The following ATP13A4 variants were observed in gnomAD, a reference collection of about 807,000 sequenced individuals.
The protein encoded by ATP13A4 is ATPase 13A4.
ATP13A4 carries 114 observed loss-of-function variants against 142.5 expected under a neutral mutation model. The observed-to-expected ratio is 0.80, with a 90% confidence interval of 0.69 to 0.93. The LOEUF is 0.93. ATP13A4 is among the 40% of genes least tolerant of loss of function. ATP13A4 has a pLI of 0.00. For missense variants in ATP13A4, 1,392 were observed against 1,454.0 expected (o/e 0.96, Z 0.69); for synonymous variants, 488 against 514.8 (o/e 0.95, Z 0.70).
intron 25 of ATP13A4, among the ~76,000 whole-genome samples, chr3:193,430,974 G>A (rs1715937933): frequency 2.6e-5 from 4 of 152,078 alleles, no homozygotes; most frequent in Admixed American, 6.6e-5. Flanking sequence ...AGCTGGCATT[G>A]CTTAGTGACT....
At chr3:193,539,157 G>C (rs1220462229) in intron 1 of ATP13A4, among the ~76,000 whole-genome samples, 2 of 152,146 alleles carry the variant, frequency 1.3e-5, no homozygotes, top group Admixed American at 1.3e-4. Context: ...ACAGCTGTGA[G>C]CCATCATGCC....
At chr3:193,576,598 G>T (rs984163687) in intron 2 of ATP13A4, among the ~76,000 whole-genome samples, 1 of 152,150 alleles carries the variant, frequency 6.6e-6, no homozygotes, top group African/African-American at 2.4e-5. Flanking sequence ...AAATTATTGG[G>T]AAGAGGGTGA....
chr3:193,513,411 G>T (rs1309509380), intron 2 of ATP13A4, among the ~76,000 whole-genome samples: 1 of 152,204 alleles, frequency 6.6e-6, no homozygotes, highest in Admixed American at 6.5e-5. Flanking sequence ...GGGGCCATGG[G>T]CTGATGCATT....
At chr3:193,422,171 T>C (rs1386677798) in intron 25 of ATP13A4, among the ~76,000 whole-genome samples, 1 of 149,758 alleles carries the variant, frequency 6.7e-6, no homozygotes, top group Admixed American at 6.9e-5. Context: ...AAAGCAGACG[T>C]CAAGTCAAAA....
intron 25 of ATP13A4, among the ~76,000 whole-genome samples, chr3:193,424,888 A>G (rs1194228705): frequency 1.3e-5 from 2 of 149,656 alleles, no homozygotes; most frequent in East Asian, 4.1e-4. Flanking sequence ...TGAAGAGACA[A>G]CCTACATAAT....
chr3:193,586,027 C>T lies in ATP13A4; in HGVS notation n.92-4121G>A, dbSNP rs1319428837. ...CTCCGATGACTAATAACATTGAGCA[C>T]TTTGTGTTCATTGGCCAAATATGTA... On this transcript the variant is annotated intron_variant and non_coding_transcript_variant, in intron 1 of 3. Coordinates refer to the ATP13A4 transcript ENST00000489140. 2.6e-5 allele frequency among the ~76,000 whole-genome samples: 4 copies of T among 152,084 alleles called. No homozygotes were observed. The East Asian group carries it at 7.7e-4, about 29-fold the overall frequency.
In ATP13A4 at chr3:193,404,118, G is replaced by GT. The variant is rs199620353; in HGVS notation, c.3379-1255dup. The GT allele has an allele frequency of 1.3e-3, 1,252 of 985,254 alleles. 14 individuals are homozygous for GT. The African/African-American group carries it at 0.02, about 16-fold the overall frequency. The allele number at this position is 985,254 out of a possible 1,614,324, so 61.0% of individuals were successfully genotyped here. A position where few individuals can be genotyped will look rare whatever the true frequency, so the allele number is the denominator to read the frequency against. On this transcript the variant is annotated intron_variant, in intron 29 of 29. Coordinates refer to ENST00000342695, the MANE Select transcript of ATP13A4 (RefSeq NM_032279.4). The stretch of plus-strand genomic sequence containing the variant: ...AGTTATTCTACTTTCCTGCAGCAAG[G>GT]TTTTTTTGTCCTCCTTAATTGACGT...
At chr3:193,456,365 A>C (rs1480627548) in intron 16 of ATP13A4, among the ~76,000 whole-genome samples, 2 of 152,110 alleles carry the variant, frequency 1.3e-5, no homozygotes, top group Non-Finnish European at 2.9e-5. Flanking sequence ...TGGTTCAGTA[A>C]AGGAAGGATT....
chr3:193,532,955 T>C (rs1268540603), intron 1 of ATP13A4, among the ~76,000 whole-genome samples: 1 of 152,014 alleles, frequency 6.6e-6, no homozygotes, highest in East Asian at 1.9e-4. Flanking sequence ...TCCAATAATG[T>C]AGAAAAAAAG....
intron 8 of ATP13A4, among the ~76,000 whole-genome samples, chr3:193,481,635 T>C (rs1397730849): frequency 6.6e-6 from 1 of 152,200 alleles, no homozygotes; most frequent in Non-Finnish European, 1.5e-5. Flanking sequence ...TTAATGTTCA[T>C]CTATGGTATT....
At chr3:193,415,504 A>G (rs934184278) in intron 25 of ATP13A4, among the ~76,000 whole-genome samples, 6 of 152,190 alleles carry the variant, frequency 3.9e-5, no homozygotes, top group African/African-American at 1.2e-4. Context: ...CCCCCTACTC[A>G]GCTTAGTGAC....
intron 12 of ATP13A4, among the ~76,000 whole-genome samples, chr3:193,463,649 G>C (rs933143744): frequency 2.9e-4 from 44 of 151,956 alleles, no homozygotes; most frequent in African/African-American, 9.9e-4. Context: ...TACAGTAAAA[G>C]CTAATAATAA....
chr3:193,497,160 G>A (rs369482502), intron 3 of ATP13A4, among the ~76,000 whole-genome samples: 4 of 152,052 alleles, frequency 2.6e-5, no homozygotes, highest in Middle Eastern at 3.2e-3. Flanking sequence ...AAATATTTGC[G>A]AACTGTGCAT....
Position 193,442,442 on chromosome 3 carries a change from A to G in ATP13A4, c.2267T>C (p.Ile756Thr), listed in dbSNP as rs1716701940. ...NETTGSSSAS[I>T]SWTLVEEKKH... ...CTTCTCTTCTACTAACGTCCAAGAT[A>G]TAGATGCTGATGAGGACCCGGTGGT... The change falls in exon 19 of 30, where the codon ATA (isoleucine) becomes ACA (threonine). Residue 756 changes from isoleucine to threonine, a missense_variant. Ile to Thr is a moderately conservative substitution (Grantham distance 89). Transcript: ENST00000342695. The G allele has an allele frequency of 1.9e-6, 3 of 1,614,022 alleles. No homozygotes were observed. The Admixed American group carries it at 5.0e-5, about 27-fold the overall frequency.
At position 193,441,462 on chromosome 3, in the gene ATP13A4, T is replaced by C. The variant is rs1716635466; in HGVS notation, c.2439+4A>G. 1.1e-5 allele frequency: 18 copies of C among 1,613,792 alleles called. No homozygotes were observed. Among genetic ancestry groups the C allele is most frequent in the Non-Finnish European group, 1.4e-5 (17 of 1,179,758 alleles). The stretch of plus-strand genomic sequence containing the variant: ...AGGGAGATTGTCACCCTCTTAGAAC[T>C]TACCTTTGGCAGTAGGCTGCTGAAA... On this transcript the variant is annotated splice_donor_region_variant and intron_variant, in intron 20 of 29. Transcript: ENST00000342695.
chr3:193,582,139 C>CTT, intron 1 of ATP13A4, among the ~76,000 whole-genome samples: 1 of 120,296 alleles, frequency 8.3e-6, no homozygotes, highest in South Asian at 2.7e-4. Flanking sequence ...CATATGTATA[C>CTT]TTTTCTTTTC....
intron 1 of ATP13A4, among the ~76,000 whole-genome samples, chr3:193,529,203 G>A (rs1279025224): frequency 6.6e-6 from 1 of 151,762 alleles, no homozygotes; most frequent in Non-Finnish European, 1.5e-5. Context: ...CCAGGATGCG[G>A]AGGTTGCAGT....
Position 193,492,891 on chromosome 3 carries a change from A to G in ATP13A4, c.533+26T>C, listed in dbSNP as rs751854982. On this transcript the variant is annotated intron_variant, in intron 5 of 29. Transcript: ENST00000342695. ...TAACTGATAATAATCCTTTTGAGCT[A>G]GTATAGGCAATAATATGCATGGTAC... is the stretch of plus-strand genomic sequence containing the variant. The G allele has an allele frequency of 2.6e-6, 4 of 1,529,446 alleles. No individual in the cohort carries two copies. In the Admixed American group the frequency reaches 6.7e-5, roughly 26 times the overall value. 94.7% of individuals were successfully genotyped at this position (1,529,446 alleles called of 1,614,324 possible). A position where few individuals can be genotyped will look rare whatever the true frequency, so the allele number is the denominator to read the frequency against.
chr3:193,424,874 A>T lies in ATP13A4; in HGVS notation c.2842+8971T>A, dbSNP rs193081030. Among the ~76,000 whole-genome samples the T allele has an allele frequency of 1.3e-3, 196 of 149,856 alleles. 5 individuals are homozygous for T. Among genetic ancestry groups the T allele is most frequent in the Non-Finnish European group, 4.4e-4 (30 of 67,582 alleles). On this transcript the variant is annotated intron_variant, in intron 25 of 29. Coordinates refer to ENST00000342695, the MANE Select transcript of ATP13A4 (RefSeq NM_032279.4). Reference sequence around the variant, plus strand: ...TTGCACAACAAAGGAAACAGTTAACAGATTGAAGAGACAACCTACATAATG... The same window carrying T: ...TTGCACAACAAAGGAAACAGTTAACTGATTGAAGAGACAACCTACATAATG...
Sources: gnomAD v4.1 joint callset for allele counts (sites outside exome capture counted in the v4.1 genomes callset) on GRCh38, gnomAD v4.1.1 for gene constraint, MANE v1.5 for transcripts, NCBI Gene and HGNC (gene_info 2026-07-23, HGNC 2026-07-21) for gene names.